IQGAP1: variants seen among roughly 807,000 people sequenced by gnomAD.
IQGAP1 encodes the protein IQ motif containing GTPase activating protein 1.
A neutral mutation model predicts 215.6 loss-of-function variants in IQGAP1; 66 were observed. That is an observed-to-expected ratio of 0.31 (90% confidence interval 0.25 to 0.38). The LOEUF (loss-of-function observed/expected upper bound fraction) is 0.38. Among genes scored for constraint, IQGAP1 ranks in the 10% least tolerant of loss-of-function variants. The pLI, the probability that IQGAP1 is intolerant of heterozygous loss-of-function variation, is 1.00. For missense variants in IQGAP1, 1,712 were observed against 1,997.1 expected, an observed-to-expected ratio of 0.86 and a Z score of 2.72; for synonymous variants, 772 against 728.7, an observed-to-expected ratio of 1.06 and a Z score of -0.96.
intron 15 of IQGAP1, among the ~76,000 whole-genome samples, chr15:90,458,210 G>A (rs756060639): frequency 1.3e-4 from 19 of 151,996 alleles, no homozygotes; most frequent in Non-Finnish European, 2.5e-4. Flanking sequence ...ATTTCTTTTT[G>A]TTGCTGAATA....
chr15:90,399,606 G>A (rs544481947), intron 2 of IQGAP1, among the ~76,000 whole-genome samples: 3 of 152,104 alleles, frequency 2.0e-5, no homozygotes, highest in South Asian at 2.1e-4. Context: ...CTATCAACTC[G>A]AAGTCTAGAT....
intron 2 of IQGAP1, among the ~76,000 whole-genome samples, chr15:90,420,903 A>G (rs2589954): frequency 0.086 from 13,169 of 152,268 alleles, 822 homozygotes; most frequent in Admixed American, 0.18. Flanking sequence ...CTATAATCCC[A>G]GCACTTTGGG....
chr15:90,481,550 G>A (rs1217761647), intron 26 of IQGAP1, among the ~76,000 whole-genome samples: 1 of 152,024 alleles, frequency 6.6e-6, no homozygotes. Context: ...CTGAGTTCAA[G>A]CATCCCTTCG....
At chr15:90,476,879 G>A in intron 24 of IQGAP1, 61 bp downstream of exon 24, 4 of 1,539,642 alleles carry the variant, frequency 2.6e-6, no homozygotes, top group East Asian at 2.2e-5. Context: ...CCACAAGAAA[G>A]CCTTACCATC....
chr15:90,456,002 GAA>G lies in IQGAP1; in HGVS notation c.1613-147_1613-146del, dbSNP rs556721556. 131 of 608,270 alleles carry G rather than the reference GAA, an allele frequency of 2.2e-4. 1 individual carries two copies. In the African/African-American group the frequency reaches 2.2e-3, roughly 10 times the overall value. The allele number at this position is 608,270 out of a possible 1,614,324, so 37.7% of individuals were successfully genotyped here. On this transcript the variant is annotated intron_variant, in intron 14 of 37. Transcript: ENST00000268182. ...TTGAAATAAATACTAATTAAAAAAT[GAA>G]AACAGTGCTGCTTAACGGATGGTAA...
intron 36 of IQGAP1, among the ~76,000 whole-genome samples, chr15:90,495,251 A>G (rs1347595230): frequency 1.3e-5 from 2 of 152,302 alleles, no homozygotes. Flanking sequence ...CACGTGGTTC[A>G]TGGACCTGAC....
chr15:90,403,999 A>C (rs1180484592), intron 2 of IQGAP1, among the ~76,000 whole-genome samples: 1 of 152,160 alleles, frequency 6.6e-6, no homozygotes, highest in African/African-American at 2.4e-5. Context: ...ATTCCATATG[A>C]GTGAATGTGG....
chr15:90,393,106 T>TAA (rs11359516), intron 2 of IQGAP1, among the ~76,000 whole-genome samples: 2 of 143,932 alleles, frequency 1.4e-5, no homozygotes, highest in African/African-American at 2.6e-5. Context: ...CTGGGGAACT[T>TAA]AAAAAAAAAA....
intron 2 of IQGAP1, among the ~76,000 whole-genome samples, chr15:90,412,786 AGGGATGTTTGCT>A (rs1222724140): frequency 6.6e-6 from 1 of 152,172 alleles, no homozygotes; most frequent in Non-Finnish European, 1.5e-5. Flanking sequence ...CCTGGCATTC[AGGGATGTTTGCT>A]GTGCAAGATG....
rs537338242 is a variant in IQGAP1, at chr15:90,473,495, G to A, written c.2350-220G>A. On this transcript the variant is annotated intron_variant, in intron 19 of 37. Transcript: ENST00000268182. The stretch of plus-strand genomic sequence containing the variant: ...TGTATGGCTGCACTGTAAAAGGTGT[G>A]CAGGGCTGTGCTGACGTTGGGGAAG... 8.0e-5 allele frequency: 43 copies of A among 537,392 alleles called. No homozygotes were observed. In the South Asian group the frequency reaches 8.3e-4, roughly 10 times the overall value. The allele number at this position is 537,392 out of a possible 1,614,324, so 33.3% of individuals were successfully genotyped here.
intron 2 of IQGAP1, among the ~76,000 whole-genome samples, chr15:90,423,191 A>T (rs1286788028): frequency 1.3e-5 from 2 of 152,260 alleles, no homozygotes; most frequent in East Asian, 1.9e-4. Flanking sequence ...TTCTGCTAAC[A>T]TTAAAAATGT....
intron 2 of IQGAP1, among the ~76,000 whole-genome samples, chr15:90,406,162 G>A (rs1964874759): frequency 6.6e-6 from 1 of 152,168 alleles, no homozygotes; most frequent in Admixed American, 6.5e-5. Context: ...CATTGGACCA[G>A]AAAAATTCCA....
chr15:90,443,564 T>G (rs530264002), intron 9 of IQGAP1, 86 bp downstream of exon 9: 2 of 758,562 alleles, frequency 2.6e-6, no homozygotes, highest in South Asian at 3.7e-5. Flanking sequence ...CAACATAGTT[T>G]GATTTACTTA....
intron 5 of IQGAP1, among the ~76,000 whole-genome samples, 166 bp from the exon 6 acceptor site, chr15:90,439,166 A>AAAACT (rs10656792): frequency 6.6e-6 from 1 of 151,432 alleles, no homozygotes; most frequent in Non-Finnish European, 1.5e-5. Flanking sequence ...AAAAAAAAAA[A>AAAACT]CTGAGGTAAA....
At chr15:90,406,453 G>A (rs1964879374) in intron 2 of IQGAP1, among the ~76,000 whole-genome samples, 1 of 152,230 alleles carries the variant, frequency 6.6e-6, no homozygotes. Flanking sequence ...GTGAGCCACC[G>A]TGCCCGGCCG....
At chr15:90,475,390 G>C (rs1965964929) in intron 23 of IQGAP1, among the ~76,000 whole-genome samples, 1 of 152,066 alleles carries the variant, frequency 6.6e-6, no homozygotes, top group African/African-American at 2.4e-5. Flanking sequence ...ACTCACCTTG[G>C]CTTCCCAAAG....
intron 8 of IQGAP1, among the ~76,000 whole-genome samples, chr15:90,442,344 T>A (rs1202022391): frequency 6.6e-6 from 1 of 151,494 alleles, no homozygotes; most frequent in Non-Finnish European, 1.5e-5. Context: ...TAATCCCAGG[T>A]ACTTGGGAGG....
intron 30 of IQGAP1, 36 bp downstream of exon 30, chr15:90,484,388 C>A (rs748550320): frequency 9.6e-6 from 15 of 1,555,714 alleles, no homozygotes; most frequent in Non-Finnish European, 1.3e-5. Flanking sequence ...ATTTCATTGT[C>A]CTTAATTATT....
chr15:90,483,620 G>A, intron 29 of IQGAP1, 27 bp downstream of exon 29: 6 of 1,472,604 alleles, frequency 4.1e-6, no homozygotes, highest in Non-Finnish European at 5.7e-6. Context: ...AAGTGCTTAA[G>A]AGAGTCTGTG....
Sources: allele counts gnomAD v4.1 joint callset (sites outside exome capture counted in the v4.1 genomes callset), GRCh38; gene constraint gnomAD v4.1.1; transcripts MANE v1.5; gene names NCBI Gene and HGNC (gene_info 2026-07-23, HGNC 2026-07-21).